Variants in PHACTR2 observed in about 807,000 individuals in gnomAD.
PHACTR2 encodes the protein chromosome 6 open reading frame 56.
PHACTR2 carries 30 observed loss-of-function variants against 76.0 expected under a neutral mutation model. The observed-to-expected ratio is 0.39, with a 90% CI of 0.30 to 0.54. PHACTR2 has a LOEUF of 0.54. PHACTR2 is among the 20% of genes least tolerant of loss of function. The pLI is 0.61. For synonymous variants in PHACTR2, 292 were observed against 292.5 expected (o/e 1.00, Z 0.02); for missense variants, 696 against 781.1 (o/e 0.89, Z 1.30).
rs1775049725 is a variant in PHACTR2 at position 143,549,172 on chromosome 6, A to G, written c.217+11965A>G. 6.6e-6 allele frequency among the ~76,000 whole-genome samples: 1 copy of G among 151,992 alleles called. No individual in the cohort carries two copies. Among genetic ancestry groups the G allele is most frequent in the Admixed American group, 6.6e-5 (1 of 15,254 alleles). ...TTGGTTTCCATTCAAGGCAGCCCTC[A>G]GTGGTCATTTAACCAGATCTCCTCA... On this transcript the variant is annotated intron_variant, in intron 1 of 11. Coordinates refer to the PHACTR2 transcript ENST00000367584. This position sits in a 1 kb window ranked among gnomAD's most constrained non-coding sequence, Gnocchi z 4.2.
intron 1 of PHACTR2, among the ~76,000 whole-genome samples, chr6:143,691,911 A>G (rs1777652278): frequency 6.6e-6 from 1 of 152,234 alleles, no homozygotes; most frequent in Non-Finnish European, 1.5e-5. Flanking sequence ...ACTTCTGTTC[A>G]TGCATTCTGT....
At chr6:143,788,633 T>C in intron 10 of PHACTR2, 140 bp from the exon 11 acceptor site, 1 of 536,880 alleles carries the variant, frequency 1.9e-6, no homozygotes. Flanking sequence ...ATTCCCAAGA[T>C]GCTGTTGCCT....
At chr6:143,726,822 A>C (rs1778584545) in intron 2 of PHACTR2, among the ~76,000 whole-genome samples, 1 of 152,156 alleles carries the variant, frequency 6.6e-6, no homozygotes, top group South Asian at 2.1e-4. Flanking sequence ...TTTTATTGAT[A>C]CATAATATTT....
intron 2 of PHACTR2, among the ~76,000 whole-genome samples, chr6:143,744,227 G>C (rs535466577): frequency 2.0e-5 from 3 of 152,228 alleles, no homozygotes; most frequent in Non-Finnish European, 4.4e-5. Context: ...GGAGAAGACA[G>C]AAGATTCTTG....
rs951702400 is a variant in PHACTR2 at position 143,549,014 on chromosome 6, A to G, written c.217+11807A>G. 6.6e-6 allele frequency among the ~76,000 whole-genome samples: 1 copy of G among 151,854 alleles called. No individual in the cohort carries two copies. The highest frequency in any genetic ancestry group is 2.4e-5 in the African/African-American group (1 of 41,390). On this transcript the variant is annotated intron_variant, in intron 1 of 11. Coordinates refer to the PHACTR2 transcript ENST00000367584. The surrounding 1 kb of genome is among the most constrained non-coding windows in gnomAD (Gnocchi z 4.2). ...CTGTGGCTTGAGGAGTATAAAGAGT[A>G]CAGGGAAGAAGGCTTGGCCATGAAG... is the stretch of plus-strand genomic sequence containing the variant.
intron 1 of PHACTR2, among the ~76,000 whole-genome samples, chr6:143,665,409 G>C (rs1369370742): frequency 6.6e-6 from 1 of 152,098 alleles, no homozygotes; most frequent in Non-Finnish European, 1.5e-5. Flanking sequence ...ACATGGGATT[G>C]TTTTTATTCT....
rs1440776987 is a variant in PHACTR2 at position 143,618,838 on chromosome 6, C to G, written c.13+10516C>G. Among the ~76,000 whole-genome samples the G allele has an allele frequency of 1.3e-5, 2 of 152,106 alleles. No individual in the cohort carries two copies. Among genetic ancestry groups the G allele is most frequent in the Non-Finnish European group, 2.9e-5 (2 of 68,030 alleles). On this transcript the variant is annotated intron_variant, in intron 1 of 11. Coordinates refer to the PHACTR2 transcript ENST00000305766. This position sits in a 1 kb window ranked among gnomAD's most constrained non-coding sequence, Gnocchi z 5.2. ...CCTCCCCGAAAACTCTCTTCTACCC[C>G]TGTTGGAACACGTAGCAGATATACC...
At chr6:143,732,437 G>A (rs1189217290) in intron 2 of PHACTR2, among the ~76,000 whole-genome samples, 2 of 152,198 alleles carry the variant, frequency 1.3e-5, no homozygotes, top group Non-Finnish European at 2.9e-5. Flanking sequence ...GGTCATCTAT[G>A]TTGTAGCGTG....
rs1582686800 is a variant in PHACTR2 at position 143,589,367 on chromosome 6, C to G, written c.217+52160C>G. 6.6e-6 allele frequency among the ~76,000 whole-genome samples: 1 copy of G among 152,206 alleles called. No individual in the cohort carries two copies. Among genetic ancestry groups the G allele is most frequent in the Non-Finnish European group, 1.5e-5 (1 of 68,030 alleles). ...AGTGTGGGGCACCTCACCCTTTGCT[C>G]TCTTCCTCCTGCTCCAGCCATGTAA... On this transcript the variant is annotated intron_variant, in intron 1 of 11. Coordinates refer to the PHACTR2 transcript ENST00000367584. The surrounding 1 kb of genome is among the most constrained non-coding windows in gnomAD (Gnocchi z 4.4).
In PHACTR2 at chr6:143,710,756, T is replaced by G. The variant is rs1778156737; in HGVS notation, c.47-1260T>G. Among the ~76,000 whole-genome samples, 1 of 152,214 alleles carries G rather than the reference T, an allele frequency of 6.6e-6. No individual in the cohort carries two copies. The highest frequency in any genetic ancestry group is 1.5e-5 in the Non-Finnish European group (1 of 68,040). ...AAGCAGAAGTCCTTGCTCTTCAATT[T>G]TTGTTTTTATTTGTTTTACTATGAC... On this transcript the variant is annotated intron_variant, in intron 1 of 12. Transcript: ENST00000440869. The surrounding 1 kb of genome is among the most constrained non-coding windows in gnomAD (Gnocchi z 4.9).
At chr6:143,604,560 A>G (rs1291761641), upstream of PHACTR2, among the ~76,000 whole-genome samples, 8 of 152,072 alleles carry the variant, frequency 5.3e-5, no homozygotes, top group African/African-American at 1.7e-4. Context: ...TGTGCTTCCA[A>G]TAAGTGAGAG....
At chr6:143,719,575 C>T (rs576499474) in intron 2 of PHACTR2, among the ~76,000 whole-genome samples, 27 of 149,470 alleles carry the variant, frequency 1.8e-4, no homozygotes, top group African/African-American at 3.2e-4. Context: ...GTCTTGAACT[C>T]CTGACCTCAG....
At chr6:143,817,680 A>G (rs1252596784) in intron 12 of PHACTR2, among the ~76,000 whole-genome samples, 1 of 152,226 alleles carries the variant, frequency 6.6e-6, no homozygotes, top group African/African-American at 2.4e-5. Context: ...CACAAGAAAG[A>G]ATGAAATTCT....
rs1386973216 is a variant in PHACTR2, at chr6:143,653,128, T to C, written c.13+44806T>C. Among the ~76,000 whole-genome samples, 1 of 152,210 alleles carries C rather than the reference T, an allele frequency of 6.6e-6. No homozygotes were observed. The highest frequency in any genetic ancestry group is 2.4e-5 in the African/African-American group (1 of 41,456). On this transcript the variant is annotated intron_variant, in intron 1 of 11. Transcript: ENST00000305766. This position sits in a 1 kb window ranked among gnomAD's most constrained non-coding sequence, Gnocchi z 4.9. ...CTGGATGCCTCTGTCCCCAGGTGTC[T>C]CAGAAGTAATCCTAATCATTGAACT...
At chr6:143,771,895 G>A (rs1050215353) in intron 6 of PHACTR2, among the ~76,000 whole-genome samples, 7 of 152,124 alleles carry the variant, frequency 4.6e-5, no homozygotes, top group South Asian at 2.1e-4. Context: ...TAGCGGGATC[G>A]TCTTCAGGTC....
At chr6:143,706,624 A>G (rs1484322113) in intron 1 of PHACTR2, among the ~76,000 whole-genome samples, 1 of 152,058 alleles carries the variant, frequency 6.6e-6, no homozygotes, top group Admixed American at 6.5e-5. Context: ...AGAATTTTTA[A>G]CCTGCACCCC....
At chr6:143,584,277 G>T (rs1250869012) in intron 1 of PHACTR2, among the ~76,000 whole-genome samples, 1 of 152,220 alleles carries the variant, frequency 6.6e-6, no homozygotes, top group Non-Finnish European at 1.5e-5. Context: ...ACTTGAATAT[G>T]AACAGAGATC....
chr6:143,540,163 T>G (rs1375454049), intron 1 of PHACTR2, among the ~76,000 whole-genome samples: 1 of 152,252 alleles, frequency 6.6e-6, no homozygotes, highest in Non-Finnish European at 1.5e-5. Flanking sequence ...CTATTTTTGA[T>G]TCCAGCTAGT....
At chr6:143,810,635 G>T in intron 12 of PHACTR2, 1 of 428,772 alleles carries the variant, frequency 2.3e-6, no homozygotes, top group East Asian at 7.7e-5. Context: ...TTCTCTACCA[G>T]CCTGGTCAAC....
Sources: allele counts gnomAD v4.1 joint callset (sites outside exome capture counted in the v4.1 genomes callset), GRCh38; gene constraint gnomAD v4.1.1; non-coding constraint Gnocchi (gnomAD v3.1); transcripts MANE v1.5; gene names NCBI Gene and HGNC (gene_info 2026-07-23, HGNC 2026-07-21).